DGKH: variants seen among roughly 807,000 people sequenced by gnomAD.
DGKH encodes the protein diacylglycerol kinase eta, also known as DAG kinase eta.
In DGKH, 90 loss-of-function variants were observed where a neutral mutation model predicts 159.3. That is an observed-to-expected ratio of 0.57 (90% CI 0.48 to 0.67). The LOEUF (loss-of-function observed/expected upper bound fraction) is 0.67. Among genes scored for constraint, DGKH ranks in the 30% least tolerant of loss-of-function variants. The probability of loss-of-function intolerance (pLI) is 0.00; values close to 1 mark genes in which losing one functional copy is unlikely to be tolerated. For synonymous variants in DGKH, 536 were observed against 553.8 expected (o/e 0.97, Z 0.45); for missense variants, 1,181 against 1,506.1 (o/e 0.78, Z 3.57).
chr13:42,217,931 G>A (rs9533039), intron 26 of DGKH, among the ~76,000 whole-genome samples: 44,455 of 151,998 alleles, frequency 0.29, 6,807 homozygotes, highest in African/African-American at 0.33. Flanking sequence ...CTACTTTGGT[G>A]GCTGAGGCAC....
At chr13:42,203,811 C>T (rs528265417) in intron 20 of DGKH, among the ~76,000 whole-genome samples, 18 of 151,866 alleles carry the variant, frequency 1.2e-4, no homozygotes, top group East Asian at 5.8e-4. Flanking sequence ...CTATCCTGAG[C>T]GACAGAGCAA....
At chr13:42,253,221 G>T (rs1314069982) in intron 30 of DGKH, among the ~76,000 whole-genome samples, 1 of 152,050 alleles carries the variant, frequency 6.6e-6, no homozygotes, top group Non-Finnish European at 1.5e-5. Context: ...ATTGGCAGGG[G>T]GATCTTTGGG....
At chr13:42,085,222 A>G (rs936330464) in intron 1 of DGKH, among the ~76,000 whole-genome samples, 5 of 152,176 alleles carry the variant, frequency 3.3e-5, no homozygotes, top group African/African-American at 1.2e-4. Flanking sequence ...CTCTTAGAAT[A>G]TAACTGAATA....
chr13:42,050,040 G>T (rs926330927), intron 1 of DGKH, among the ~76,000 whole-genome samples: 1 of 152,052 alleles, frequency 6.6e-6, no homozygotes, highest in Non-Finnish European at 1.5e-5. Context: ...TTTCCCTAAG[G>T]TCAATGAACT....
intron 3 of DGKH, among the ~76,000 whole-genome samples, chr13:42,147,575 T>C (rs1955768856): frequency 1.3e-5 from 2 of 152,242 alleles, no homozygotes; most frequent in South Asian, 4.1e-4. Flanking sequence ...AAAGAGCTTG[T>C]GCCAAGGGAA....
chr13:42,123,015 T>G (rs1955105821), intron 1 of DGKH, among the ~76,000 whole-genome samples: 1 of 152,210 alleles, frequency 6.6e-6, no homozygotes, highest in African/African-American at 2.4e-5. Flanking sequence ...TATAAAAAGA[T>G]GTGACTAACT....
At chr13:42,090,665 T>G (rs1954399862) in intron 1 of DGKH, among the ~76,000 whole-genome samples, 1 of 152,186 alleles carries the variant, frequency 6.6e-6, no homozygotes, top group African/African-American at 2.4e-5. Context: ...TTTTAACACA[T>G]TGTTTTGGGA....
intron 3 of DGKH, among the ~76,000 whole-genome samples, chr13:42,143,519 C>T (rs947526475): frequency 2.0e-4 from 30 of 152,224 alleles, no homozygotes; most frequent in Non-Finnish European, 2.4e-4. Flanking sequence ...GCTGTGAATC[C>T]GTCTGGTCCT....
chr13:42,071,559 T>C (rs967112407), intron 1 of DGKH, among the ~76,000 whole-genome samples: 2 of 152,242 alleles, frequency 1.3e-5, no homozygotes. Flanking sequence ...TCTAAGGTGC[T>C]GGTAAGCACT....
At chr13:42,086,276 A>G (rs1044442061) in intron 1 of DGKH, among the ~76,000 whole-genome samples, 1 of 152,174 alleles carries the variant, frequency 6.6e-6, no homozygotes, top group Non-Finnish European at 1.5e-5. Context: ...TCTTTGTGTC[A>G]ACCTTGTTGC....
At chr13:42,047,688 G>A (rs911496083), upstream of DGKH, among the ~76,000 whole-genome samples, 7 of 152,216 alleles carry the variant, frequency 4.6e-5, no homozygotes, top group African/African-American at 1.7e-4. Context: ...GTTGTGCGCG[G>A]TGGCTACAGC....
intron 20 of DGKH, among the ~76,000 whole-genome samples, chr13:42,201,056 G>A (rs551091418): frequency 1.3e-5 from 2 of 150,596 alleles, no homozygotes; most frequent in Non-Finnish European, 3.0e-5. Flanking sequence ...GTAGTGGTGC[G>A]ATCTCGGCTC....
At chr13:42,105,193 T>C (rs963309806) in intron 1 of DGKH, among the ~76,000 whole-genome samples, 4 of 152,106 alleles carry the variant, frequency 2.6e-5, no homozygotes, top group African/African-American at 9.7e-5. Flanking sequence ...GCTGGCATCT[T>C]GTAAGGACCT....
intron 3 of DGKH, among the ~76,000 whole-genome samples, chr13:42,142,742 A>G (rs964639165): frequency 6.6e-6 from 1 of 152,146 alleles, no homozygotes; most frequent in Non-Finnish European, 1.5e-5. Context: ...TTGCACATTG[A>G]TTTTGTATCC....
At chr13:42,174,549 T>C (rs1241587877) in intron 12 of DGKH, among the ~76,000 whole-genome samples, 1 of 152,248 alleles carries the variant, frequency 6.6e-6, no homozygotes, top group South Asian at 2.1e-4. Flanking sequence ...GGTCAGCTGG[T>C]GTTTCCTGTT....
chr13:42,249,146 G>A (rs1958602297), intron 29 of DGKH, among the ~76,000 whole-genome samples: 1 of 152,146 alleles, frequency 6.6e-6, no homozygotes, highest in Non-Finnish European at 1.5e-5. Flanking sequence ...GGCCAAGGTA[G>A]GTGGATGGCT....
chr13:42,106,244 G>T (rs1227561638), intron 1 of DGKH, among the ~76,000 whole-genome samples: 2 of 152,130 alleles, frequency 1.3e-5, no homozygotes, highest in African/African-American at 4.8e-5. Flanking sequence ...CTGACCTCAG[G>T]TGATTCACCC....
At chr13:42,248,588 A>G (rs186351295) in intron 29 of DGKH, among the ~76,000 whole-genome samples, 1 of 147,424 alleles carries the variant, frequency 6.8e-6, no homozygotes, top group East Asian at 1.9e-4. Flanking sequence ...AATAATTTAT[A>G]ATTTCAATGT....
At chr13:42,217,465 A>G (rs1957829824) in intron 26 of DGKH, among the ~76,000 whole-genome samples, 1 of 151,324 alleles carries the variant, frequency 6.6e-6, no homozygotes. Context: ...CTGGTCTCGA[A>G]CTCCTGACTT....
Sources: allele counts gnomAD v4.1 joint callset (sites outside exome capture counted in the v4.1 genomes callset), GRCh38; gene constraint gnomAD v4.1.1; transcripts MANE v1.5; gene names NCBI Gene and HGNC (gene_info 2026-07-23, HGNC 2026-07-21).